TCERG1L: variants seen among roughly 807,000 people sequenced by gnomAD.
TCERG1L encodes transcription elongation regulator 1-like protein.
In TCERG1L, 37 loss-of-function variants were observed where a neutral mutation model predicts 56.3. The observed-to-expected ratio is 0.66, with a 90% CI of 0.51 to 0.87. The LOEUF (loss-of-function observed/expected upper bound fraction) is 0.87, where lower values mean the gene tolerates loss of function less well. Ranked by LOEUF, TCERG1L falls within the 40% of genes least tolerant of loss-of-function variation. The pLI is 0.00. For missense variants in TCERG1L, 799 were observed against 774.2 expected, an observed-to-expected ratio of 1.03 and a Z score of -0.38; for synonymous variants, 324 against 326.3, an observed-to-expected ratio of 0.99 and a Z score of 0.08.
At chr10:131,098,218 G>A (rs1214171855) in intron 11 of TCERG1L, 88 bp downstream of exon 11, 1 of 1,396,474 alleles carries the variant, frequency 7.2e-7, no homozygotes, top group Middle Eastern at 1.8e-4. Flanking sequence ...TGGGTTACAC[G>A]ATTTAACAAA....
At chr10:131,200,928 G>A (rs552105747) in intron 4 of TCERG1L, among the ~76,000 whole-genome samples, 34 of 152,084 alleles carry the variant, frequency 2.2e-4, no homozygotes, top group Admixed American at 7.9e-4. Flanking sequence ...GAGGCTTCTC[G>A]CACGGTTATC....
chr10:131,277,044 T>C (rs993373763), intron 3 of TCERG1L, among the ~76,000 whole-genome samples: 1 of 152,236 alleles, frequency 6.6e-6, no homozygotes, highest in African/African-American at 2.4e-5. Flanking sequence ...ATGCCTGTCC[T>C]TGCAGAACTG....
At chr10:131,245,598 A>G (rs894058654) in intron 4 of TCERG1L, among the ~76,000 whole-genome samples, 4 of 152,096 alleles carry the variant, frequency 2.6e-5, no homozygotes, top group African/African-American at 9.7e-5. Flanking sequence ...TCCCTGGGAA[A>G]CTACGTGTCC....
At chr10:131,109,000 C>T (rs544260454) in intron 9 of TCERG1L, among the ~76,000 whole-genome samples, 3 of 152,146 alleles carry the variant, frequency 2.0e-5, no homozygotes, top group African/African-American at 7.2e-5. Flanking sequence ...AGTGCAACAT[C>T]GCCACGGGTG....
At chr10:131,279,357 T>C (rs1209816843) in intron 3 of TCERG1L, among the ~76,000 whole-genome samples, 1 of 152,156 alleles carries the variant, frequency 6.6e-6, no homozygotes, top group Non-Finnish European at 1.5e-5. Flanking sequence ...GTGCCATGCG[T>C]TGCCTGCAAT....
At chr10:131,156,553 A>G (rs549783070) in intron 6 of TCERG1L, among the ~76,000 whole-genome samples, 211 of 152,278 alleles carry the variant, frequency 1.4e-3, no homozygotes, top group African/African-American at 4.8e-3. Flanking sequence ...CTCCAAAGAA[A>G]GAAAAAGTAA....
chr10:131,103,416 T>G lies in TCERG1L; in HGVS notation c.1485+849A>C, dbSNP rs1589775031. On this transcript the variant is annotated intron_variant, in intron 10 of 11. Transcript: ENST00000368642. The surrounding 1 kb of genome is among the most constrained non-coding windows in gnomAD (Gnocchi z 4.3). Reference sequence around the variant, plus strand: ...GTGTATAAGGTTGTGATGAGCCAGGTGCGGTGGCTCACGCCTGTAATCCCA... The same window carrying G: ...GTGTATAAGGTTGTGATGAGCCAGGGGCGGTGGCTCACGCCTGTAATCCCA... 6.6e-6 allele frequency among the ~76,000 whole-genome samples: 1 copy of G among 152,184 alleles called. No individual in the cohort carries two copies. The highest frequency in any genetic ancestry group is 1.5e-5 in the Non-Finnish European group (1 of 67,992).
At chr10:131,275,053 C>T (rs1846378357) in intron 3 of TCERG1L, among the ~76,000 whole-genome samples, 1 of 152,152 alleles carries the variant, frequency 6.6e-6, no homozygotes, top group African/African-American at 2.4e-5. Flanking sequence ...CTCAAAGGTG[C>T]CCACATTGCC....
rs555906367 is a variant in TCERG1L at position 131,101,287 on chromosome 10, T to A, written c.1486-2863A>T. 3.9e-5 allele frequency among the ~76,000 whole-genome samples: 6 copies of A among 152,316 alleles called. No individual in the cohort carries two copies. In the East Asian group the frequency reaches 1.2e-3, roughly 29 times the overall value. ...CTGCCCTGCCCATGAACCACGTCCATCCAGCAAGCAGACTGGGCCCCTGTG... is the reference window on the plus strand; with the variant it reads ...CTGCCCTGCCCATGAACCACGTCCAACCAGCAAGCAGACTGGGCCCCTGTG... On this transcript the variant is annotated intron_variant, in intron 10 of 11. Coordinates refer to ENST00000368642, the MANE Select transcript of TCERG1L (RefSeq NM_174937.4).
At chr10:131,130,290 T>C (rs773467287) in intron 8 of TCERG1L, among the ~76,000 whole-genome samples, 13 of 152,122 alleles carry the variant, frequency 8.5e-5, no homozygotes, top group Non-Finnish European at 1.3e-4. Flanking sequence ...GCCCTGGTGA[T>C]TCAATTACCT....
At chr10:131,133,897 A>G (rs899880107) in intron 8 of TCERG1L, among the ~76,000 whole-genome samples, 3 of 152,170 alleles carry the variant, frequency 2.0e-5, no homozygotes, top group Non-Finnish European at 4.4e-5. Flanking sequence ...CACCTGTCCC[A>G]ACACCCACTG....
At chr10:131,231,411 C>T (rs964901347) in intron 4 of TCERG1L, among the ~76,000 whole-genome samples, 5 of 152,216 alleles carry the variant, frequency 3.3e-5, no homozygotes, top group African/African-American at 7.2e-5. Flanking sequence ...AGGCGAAGGT[C>T]GCCAACCCCA....
At chr10:131,277,917 T>C (rs569471078) in intron 3 of TCERG1L, among the ~76,000 whole-genome samples, 15 of 152,048 alleles carry the variant, frequency 9.9e-5, no homozygotes, top group African/African-American at 3.6e-4. Flanking sequence ...AAAGGCCAGG[T>C]GACCAGAGCA....
chr10:131,100,341 G>A (rs1480579442), intron 10 of TCERG1L, among the ~76,000 whole-genome samples: 6 of 152,150 alleles, frequency 3.9e-5, no homozygotes, highest in Non-Finnish European at 7.4e-5. Context: ...CTGGCTGGCC[G>A]TGGGGTCAGG....
intron 9 of TCERG1L, among the ~76,000 whole-genome samples, chr10:131,110,899 T>C (rs1398475839): frequency 1.8e-5 from 2 of 111,708 alleles, no homozygotes; most frequent in Non-Finnish European, 4.3e-5. Context: ...CCGGAGGTTA[T>C]CACGGACAGG....
At chr10:131,196,340 C>T (rs1301411311) in intron 4 of TCERG1L, among the ~76,000 whole-genome samples, 4 of 152,266 alleles carry the variant, frequency 2.6e-5, no homozygotes, top group Admixed American at 6.5e-5. Flanking sequence ...TACACAGCCG[C>T]GTCGCTCAGT....
At position 131,224,976 on chromosome 10, in the gene TCERG1L, T is replaced by C. The variant is rs192751572; in HGVS notation, c.856+35283A>G. ...TGTAATCATGACCATCGGCCCGCAGTGTGGACCTGCCGTGTGCTGAGCACT... is the reference window on the plus strand; with the variant it reads ...TGTAATCATGACCATCGGCCCGCAGCGTGGACCTGCCGTGTGCTGAGCACT... On this transcript the variant is annotated intron_variant, in intron 4 of 11. Coordinates refer to ENST00000368642, the MANE Select transcript of TCERG1L (RefSeq NM_174937.4). Among the ~76,000 whole-genome samples the C allele has an allele frequency of 2.6e-4, 39 of 152,282 alleles. 1 individual carries two copies. In the East Asian group the frequency reaches 2.7e-3, roughly 11 times the overall value.
At chr10:131,183,793 G>T (rs1845206946) in intron 4 of TCERG1L, among the ~76,000 whole-genome samples, 1 of 152,212 alleles carries the variant, frequency 6.6e-6, no homozygotes, top group Non-Finnish European at 1.5e-5. Context: ...TCTGTGCATT[G>T]CTCTTCTTCT....
At chr10:131,183,943 C>T (rs12240513) in intron 4 of TCERG1L, among the ~76,000 whole-genome samples, 2 of 152,234 alleles carry the variant, frequency 1.3e-5, no homozygotes, top group African/African-American at 4.8e-5. Flanking sequence ...CTCGACTCAC[C>T]TCCTCTGACT....
Sources: gnomAD v4.1 joint callset for allele counts (sites outside exome capture counted in the v4.1 genomes callset) on GRCh38, gnomAD v4.1.1 for gene constraint, Gnocchi (gnomAD v3.1) non-coding constraint, MANE v1.5 for transcripts, NCBI Gene and HGNC (gene_info 2026-07-23, HGNC 2026-07-21) for gene names.